Variants in GRIA1 observed in about 807,000 individuals in gnomAD.
The protein encoded by GRIA1 is glutamate receptor 1.
A neutral mutation model predicts 99.2 loss-of-function variants in GRIA1; 31 were observed. The observed-to-expected ratio is 0.31, with a 90% CI of 0.23 to 0.42. The LOEUF (loss-of-function observed/expected upper bound fraction) is 0.42, where lower values mean the gene tolerates loss of function less well. Ranked by LOEUF, GRIA1 falls within the 10% of genes least tolerant of loss-of-function variation. GRIA1 has a pLI of 1.00. For synonymous variants in GRIA1, 438 were observed against 432.4 expected, an observed-to-expected ratio of 1.01 and a Z score of -0.16; for missense variants, 782 against 1,157.5, an observed-to-expected ratio of 0.68 and a Z score of 4.71.
intron 2 of GRIA1, among the ~76,000 whole-genome samples, chr5:153,516,304 A>G (rs1413569927): frequency 2.0e-5 from 3 of 151,760 alleles, no homozygotes; most frequent in Non-Finnish European, 4.4e-5. Context: ...CATTGGATAA[A>G]TAACTGTTTA....
intron 2 of GRIA1, among the ~76,000 whole-genome samples, chr5:153,573,566 T>C (rs142102557): frequency 1.7e-3 from 261 of 152,244 alleles, no homozygotes; most frequent in Non-Finnish European, 1.8e-3. Context: ...CTAGTTCCAA[T>C]TCTGCTACCA....
At chr5:153,700,362 G>A (rs1232347237) in intron 10 of GRIA1, among the ~76,000 whole-genome samples, 1 of 152,180 alleles carries the variant, frequency 6.6e-6, no homozygotes, top group African/African-American at 2.4e-5. Flanking sequence ...TCCAGCCTGG[G>A]AGACAAGAGC....
rs76385160 is a variant in GRIA1, at chr5:153,750,379, G to A, written c.1824-14055G>A. ...TTGAAGAAGAGGACAAAGGGAAATA[G>A]GTTGCACTCAGTGACCTCTTGAGCT... is the stretch of plus-strand genomic sequence containing the variant. On this transcript the variant is annotated intron_variant, in intron 11 of 15. Transcript: ENST00000285900. Among the ~76,000 whole-genome samples, 674 of 152,252 alleles carry A rather than the reference G, an allele frequency of 4.4e-3. 2 individuals are homozygous for A. Among genetic ancestry groups the A allele is most frequent in the African/African-American group, 0.015 (630 of 41,542 alleles).
At chr5:153,696,732 CTTTCCTT>C (rs759661674) in intron 8 of GRIA1, among the ~76,000 whole-genome samples, 2 of 152,160 alleles carry the variant, frequency 1.3e-5, no homozygotes, top group Non-Finnish European at 2.9e-5. Context: ...TTCTAGTTCT[CTTTCCTT>C]TTTCCTTTGT....
At chr5:153,496,425 G>C (rs931091045) in intron 2 of GRIA1, among the ~76,000 whole-genome samples, 1 of 152,202 alleles carries the variant, frequency 6.6e-6, no homozygotes, top group African/African-American at 2.4e-5. Context: ...ATGATAAAAT[G>C]CCCTTGCTCT....
intron 5 of GRIA1, among the ~76,000 whole-genome samples, chr5:153,656,414 T>TATATATATATATATATATA (rs1754968532): frequency 3.2e-4 from 47 of 146,848 alleles, no homozygotes; most frequent in South Asian, 8.7e-4. Context: ...TATATATATA[T>TATATATATATATATATATA]TTGTTTTAAT....
intron 13 of GRIA1, among the ~76,000 whole-genome samples, chr5:153,790,715 A>G (rs1200456568): frequency 6.6e-6 from 1 of 152,170 alleles, no homozygotes; most frequent in African/African-American, 2.4e-5. Context: ...TTGCCAGCAG[A>G]TGGTAGTTGT....
intron 2 of GRIA1, among the ~76,000 whole-genome samples, chr5:153,618,422 T>A (rs1395585653): frequency 6.6e-6 from 1 of 152,152 alleles, no homozygotes; most frequent in East Asian, 1.9e-4. Context: ...TAAATGTGTG[T>A]TGAGTGATTT....
At chr5:153,517,389 A>T (rs909542183) in intron 2 of GRIA1, among the ~76,000 whole-genome samples, 9 of 152,054 alleles carry the variant, frequency 5.9e-5, no homozygotes, top group African/African-American at 2.2e-4. Context: ...AGAACATTTG[A>T]GCTTCCAGGG....
At chr5:153,502,708 A>G (rs1189405917) in intron 2 of GRIA1, among the ~76,000 whole-genome samples, 1 of 152,208 alleles carries the variant, frequency 6.6e-6, no homozygotes, top group Non-Finnish European at 1.5e-5. Context: ...GAGGCAGGCA[A>G]AACTGGGGCA....
At chr5:153,556,515 C>A (rs1347719258) in intron 2 of GRIA1, among the ~76,000 whole-genome samples, 1 of 152,166 alleles carries the variant, frequency 6.6e-6, no homozygotes, top group Non-Finnish European at 1.5e-5. Flanking sequence ...TCCCCTGAAC[C>A]CTTAAGGTAG....
intron 11 of GRIA1, among the ~76,000 whole-genome samples, chr5:153,712,138 A>G (rs1208652102): frequency 6.6e-6 from 1 of 151,038 alleles, no homozygotes; most frequent in East Asian, 2.0e-4. Context: ...TGTAACCTCC[A>G]CCTCCCGGGT....
intron 11 of GRIA1, among the ~76,000 whole-genome samples, chr5:153,758,128 A>G (rs1364424496): frequency 1.3e-5 from 2 of 152,110 alleles, no homozygotes; most frequent in African/African-American, 4.8e-5. Context: ...AAAGAAAAAC[A>G]GCAAGAAAGA....
intron 8 of GRIA1, among the ~76,000 whole-genome samples, chr5:153,694,908 AG>A (rs1757985946): frequency 1.3e-5 from 2 of 152,120 alleles, no homozygotes; most frequent in African/African-American, 4.8e-5. Context: ...CAGGAAGGAA[AG>A]GAGGAAGAAT....
chr5:153,659,070 C>T (rs1436177014), intron 5 of GRIA1, among the ~76,000 whole-genome samples: 1 of 152,096 alleles, frequency 6.6e-6, no homozygotes. Flanking sequence ...CTCTCCAATC[C>T]TCAGTTTCCT....
intron 15 of GRIA1, among the ~76,000 whole-genome samples, chr5:153,807,847 C>G (rs1210347353): frequency 1.3e-5 from 2 of 152,202 alleles, no homozygotes; most frequent in Non-Finnish European, 2.9e-5. Context: ...ACCTCATTCC[C>G]AAAGGAAAAT....
At chr5:153,675,296 C>A (rs1044090807) in intron 6 of GRIA1, among the ~76,000 whole-genome samples, 29 of 151,868 alleles carry the variant, frequency 1.9e-4, no homozygotes, top group Non-Finnish European at 3.2e-4. Context: ...TTCTGCTCAG[C>A]CATGTGCCCA....
intron 2 of GRIA1, among the ~76,000 whole-genome samples, chr5:153,535,589 A>T (rs957703784): frequency 2.0e-5 from 3 of 152,258 alleles, no homozygotes; most frequent in Admixed American, 1.3e-4. Flanking sequence ...GAGTAATGTG[A>T]ATGTGAACAG....
At chr5:153,791,804 G>A (rs574492164) in intron 13 of GRIA1, among the ~76,000 whole-genome samples, 1 of 151,398 alleles carries the variant, frequency 6.6e-6, no homozygotes, top group East Asian at 1.9e-4. Flanking sequence ...GTCCTTTTCT[G>A]TTCTGTTCTA....
Sources: gnomAD v4.1 joint callset for allele counts (sites outside exome capture counted in the v4.1 genomes callset) on GRCh38, gnomAD v4.1.1 for gene constraint, MANE v1.5 for transcripts, NCBI Gene and HGNC (gene_info 2026-07-23, HGNC 2026-07-21) for gene names.